Variants in TUB observed in about 807,000 individuals in gnomAD.
TUB encodes the protein tubby protein homolog.
In TUB, 33 loss-of-function variants were observed where a neutral mutation model predicts 59.7. The observed-to-expected ratio is 0.55, with a 90% CI of 0.42 to 0.74. TUB has a LOEUF of 0.74. TUB is among the 30% of genes least tolerant of loss of function. TUB has a pLI of 0.00. For missense variants in TUB, 659 were observed against 672.0 expected, an observed-to-expected ratio of 0.98 and a Z score of 0.21; for synonymous variants, 293 against 256.4, an observed-to-expected ratio of 1.14 and a Z score of -1.36.
chr11:8,098,831 T>A lies in TUB; in HGVS notation c.1072T>A (p.Leu358Met). The part of the protein sequence containing the change: ...VNPQKASSST[L>M]ESGTLRQELA... The stretch of plus-strand genomic sequence containing the variant: ...CCCTCAGAAGGCCTCATCCTCCACT[T>A]TGGAAAGTGGAACCTTACGTCAGGA... The change falls in exon 9 of 12, where the codon TTG becomes ATG. Residue 358 changes from leucine to methionine, a missense_variant. Leu to Met is a conservative substitution (Grantham distance 15, BLOSUM62 2). Transcript: ENST00000299506. The A allele has an allele frequency of 6.2e-7, 1 of 1,614,102 alleles. No homozygotes were observed. Among genetic ancestry groups the A allele is most frequent in the Non-Finnish European group, 8.5e-7 (1 of 1,180,012 alleles).
At chr11:8,063,803 C>T (rs1214656072) in intron 2 of TUB, among the ~76,000 whole-genome samples, 4 of 152,228 alleles carry the variant, frequency 2.6e-5, no homozygotes, top group Non-Finnish European at 5.9e-5. Flanking sequence ...AGCCCGTTTA[C>T]TGTGACACCA....
chr11:8,043,883 G>A (rs978306693), intron 2 of TUB, among the ~76,000 whole-genome samples: 8 of 151,958 alleles, frequency 5.3e-5, no homozygotes, highest in African/African-American at 1.9e-4. Flanking sequence ...TTTCTAATCT[G>A]GATGCCTTTT....
rs547106154 is a variant in TUB, at chr11:8,047,154, T to G, written c.203+7462T>G. Among the ~76,000 whole-genome samples the G allele has an allele frequency of 6.2e-3, 943 of 152,262 alleles. 14 individuals carry two copies. The highest frequency in any genetic ancestry group is 0.021 in the African/African-American group (881 of 41,538). ...TCTCCTGCCTCTCCCCACTGCCAGCTGCACCAGCCCCCCAAACTCATGTAC... is the reference window on the plus strand; with the variant it reads ...TCTCCTGCCTCTCCCCACTGCCAGCGGCACCAGCCCCCCAAACTCATGTAC... On this transcript the variant is annotated intron_variant, in intron 2 of 12. Coordinates refer to the TUB transcript ENST00000305253.
At position 8,104,521 on chromosome 11, in the gene TUB, G is replaced by C. The variant is rs1438279231; in HGVS notation, c.*2902G>C. The C allele has an allele frequency of 1.3e-5, 2 of 152,244 alleles. No individual in the cohort carries two copies. The highest frequency in any genetic ancestry group is 2.9e-5 in the Non-Finnish European group (2 of 68,048). 9.4% of individuals were successfully genotyped at this position (152,244 alleles called of 1,614,324 possible). On this transcript the variant is annotated 3_prime_UTR_variant, in exon 12 of 12. Transcript: ENST00000299506. Reference sequence around the variant, plus strand: ...TAATTGTGATTATATTCCTGAGAATGAATGAGTAGGAAAGGAATAAGGATG... The same window carrying C: ...TAATTGTGATTATATTCCTGAGAATCAATGAGTAGGAAAGGAATAAGGATG...
chr11:8,053,717 G>T (rs1589935422), intron 2 of TUB, among the ~76,000 whole-genome samples: 1 of 150,462 alleles, frequency 6.6e-6, no homozygotes, highest in East Asian at 2.0e-4. Context: ...TAGCCAGGAT[G>T]GTCTCGATCT....
At chr11:8,100,772 G>T (rs1449661300) in intron 10 of TUB, 54 bp from the exon 11 acceptor site, 4 of 1,603,466 alleles carry the variant, frequency 2.5e-6, no homozygotes, top group Non-Finnish European at 3.4e-6. Flanking sequence ...CCCTTTCTGG[G>T]GTGGTCATGG....
At chr11:8,069,343 T>C (rs1943312092) in intron 2 of TUB, 1 of 146,272 alleles carries the variant, frequency 6.8e-6, no homozygotes, top group Non-Finnish European at 1.5e-5. Context: ...ATTTTACACT[T>C]TTGTCATAAT....
rs1554936463 is a variant in TUB, at chr11:8,105,020, G to GT, written c.*3402dup. On this transcript the variant is annotated 3_prime_UTR_variant, in exon 12 of 12. Transcript: ENST00000299506. ...TTAGAGGTAATTCTAAATTTAACAA[G>GT]TGACAGGGTTGGTTTCAAAGAAAAA... is the stretch of plus-strand genomic sequence containing the variant. 6.7e-6 allele frequency: 1 copy of GT among 149,260 alleles called. No individual in the cohort carries two copies. The highest frequency in any genetic ancestry group is 1.5e-5 in the Non-Finnish European group (1 of 67,538). The allele number at this position is 149,260 out of a possible 1,614,324, so 9.2% of individuals were successfully genotyped here.
chr11:8,024,690 G>A (rs544869918), intron 1 of TUB, among the ~76,000 whole-genome samples: 11 of 152,172 alleles, frequency 7.2e-5, no homozygotes, highest in Non-Finnish European at 1.5e-4. Flanking sequence ...CCTCATGTTT[G>A]ATTATTCAAT....
chr11:8,087,610 C>T lies in TUB; in HGVS notation c.39-2000C>T, dbSNP rs550527412. ...CAGGGGCCACTGTACAGAGCTTAGA[C>T]TGCATTTTTCACGTGTGTCCTGAAA... is the stretch of plus-strand genomic sequence containing the variant. On this transcript the variant is annotated intron_variant, in intron 1 of 11. Transcript: ENST00000299506. Among the ~76,000 whole-genome samples the T allele has an allele frequency of 3.9e-5, 6 of 152,362 alleles. No homozygotes were observed. The South Asian group carries it at 1.2e-3, about 32-fold the overall frequency.
intron 2 of TUB, among the ~76,000 whole-genome samples, chr11:8,070,045 A>G (rs1379677295): frequency 6.6e-6 from 1 of 152,224 alleles, no homozygotes; most frequent in East Asian, 1.9e-4. Flanking sequence ...GCGAGGCAAC[A>G]TGGCCACACT....
Position 8,096,742 on chromosome 11 carries a change from C to G in TUB, c.623C>G (p.Ser208Cys). The change falls in exon 6 of 12, where the codon TCC becomes TGC. Residue 208 changes from serine to cysteine, a missense_variant. Physicochemically the swap from Ser to Cys is moderately radical, Grantham distance 112 (BLOSUM62 -1). Around this residue, in one of 3 missense-constraint regions of TUB, gnomAD observed 321 missense variants for 304.3 expected, o/e 1.05. Transcript: ENST00000299506. ...EDEEDEEENS[S>C]SSSQLNSNTR... ...GAGGAGGATGAGGAGGAGAATAGCT[C>G]CAGCTCCTCCCAGCTAAATAGTAAC... 6.2e-7 allele frequency: 1 copy of G among 1,614,068 alleles called. No homozygotes were observed. The highest frequency in any genetic ancestry group is 8.5e-7 in the Non-Finnish European group (1 of 1,179,978).
intron 1 of TUB, among the ~76,000 whole-genome samples, chr11:8,027,089 T>G (rs1942509886): frequency 6.6e-6 from 1 of 152,208 alleles, no homozygotes; most frequent in African/African-American, 2.4e-5. Flanking sequence ...TAGCCTGTAT[T>G]GGGATTCTTA....
At chr11:8,058,299 A>G (rs1483996364) in intron 2 of TUB, among the ~76,000 whole-genome samples, 1 of 151,812 alleles carries the variant, frequency 6.6e-6, no homozygotes, top group Admixed American at 6.6e-5. Context: ...CTGAAAACTC[A>G]CCACTTCGTA....
intron 1 of TUB, among the ~76,000 whole-genome samples, chr11:8,026,918 A>G (rs188151311): frequency 6.6e-6 from 1 of 152,226 alleles, no homozygotes; most frequent in East Asian, 1.9e-4. Context: ...ATATCTGTTG[A>G]GGGGATAGAT....
At position 8,101,958 on chromosome 11, in the gene TUB, T is replaced by C. The variant is rs569694928; in HGVS notation, c.*339T>C. On this transcript the variant is annotated 3_prime_UTR_variant, in exon 12 of 12. Transcript: ENST00000299506. Reference sequence around the variant, plus strand: ...TCAGCTGGGAAGGCCGCAAGAGGCATAGAGGGAGAGGAAGCACACTGCAGG... The same window carrying C: ...TCAGCTGGGAAGGCCGCAAGAGGCACAGAGGGAGAGGAAGCACACTGCAGG... 2.7e-4 allele frequency: 84 copies of C among 307,744 alleles called. 1 individual carries two copies. Among genetic ancestry groups the C allele is most frequent in the African/African-American group, 1.6e-3 (78 of 47,640 alleles). 19.1% of individuals were successfully genotyped at this position (307,744 alleles called of 1,614,324 possible).
At chr11:8,037,466 G>T (rs1942664271), upstream of TUB, among the ~76,000 whole-genome samples, 1 of 152,154 alleles carries the variant, frequency 6.6e-6, no homozygotes, top group African/African-American at 2.4e-5. Context: ...GCAGATGAGG[G>T]GTCTGGGTCT....
In TUB at chr11:8,105,603, A is replaced by ATTTTCCTAACCACAAGATAAAGATGT. The variant is rs1944536683; in HGVS notation, c.*3986_*4011dup. 2 of 152,118 alleles carry ATTTTCCTAACCACAAGATAAAGATGT rather than the reference A, an allele frequency of 1.3e-5. No homozygotes were observed. Among genetic ancestry groups the ATTTTCCTAACCACAAGATAAAGATGT allele is most frequent in the Non-Finnish European group, 2.9e-5 (2 of 68,018 alleles). 9.4% of individuals were successfully genotyped at this position (152,118 alleles called of 1,614,324 possible). A position where few individuals can be genotyped will look rare whatever the true frequency, so the allele number is the denominator to read the frequency against. On this transcript the variant is annotated 3_prime_UTR_variant, in exon 12 of 12. Coordinates refer to ENST00000299506, the MANE Select transcript of TUB (RefSeq NM_177972.3). ...CAAACCACATAATCTCTCTAGGTCC[A>ATTTTCCTAACCACAAGATAAAGATGT]TTTTCCTAACCACAAGATAAAGATG...
rs1944510274 is a variant in TUB, at chr11:8,105,350, C to G, written c.*3731C>G. On this transcript the variant is annotated 3_prime_UTR_variant, in exon 12 of 12. Coordinates refer to ENST00000299506, the MANE Select transcript of TUB (RefSeq NM_177972.3). ...GCCCAGAGTTGGGACTCTATACTACCCTGGGCTCTGGTCTGTAGGTTTGTA... is the reference window on the plus strand; with the variant it reads ...GCCCAGAGTTGGGACTCTATACTACGCTGGGCTCTGGTCTGTAGGTTTGTA... The G allele has an allele frequency of 6.6e-6, 1 of 152,188 alleles. No individual in the cohort carries two copies. Among genetic ancestry groups the G allele is most frequent in the South Asian group, 2.1e-4 (1 of 4,830 alleles). The allele number at this position is 152,188 out of a possible 1,614,324, so 9.4% of individuals were successfully genotyped here.
Sources: gnomAD v4.1 joint callset for allele counts (sites outside exome capture counted in the v4.1 genomes callset) on GRCh38, gnomAD v4.1.1 for gene constraint, gnomAD v4.1.1 regional missense constraint, MANE v1.5 for transcripts, NCBI Gene and HGNC (gene_info 2026-07-23, HGNC 2026-07-21) for gene names.